The following HECW2 variants were observed in gnomAD, a reference collection of about 807,000 sequenced individuals.
HECW2 encodes the protein E3 ubiquitin-protein ligase HECW2.
HECW2 carries 61 observed loss-of-function variants against 175.2 expected under a neutral mutation model. The observed-to-expected ratio is 0.35, with a 90% CI of 0.28 to 0.43. HECW2 has a LOEUF of 0.43. Ranked by LOEUF, HECW2 falls within the 20% of genes least tolerant of loss-of-function variation. The pLI, the probability that HECW2 is intolerant of heterozygous loss-of-function variation, is 1.00. For synonymous variants in HECW2, 671 were observed against 731.0 expected, an observed-to-expected ratio of 0.92 and a Z score of 1.32; for missense variants, 1,524 against 2,000.5, an observed-to-expected ratio of 0.76 and a Z score of 4.54.
chr2:196,339,807 TTGAC>T (rs1692680260), intron 3 of HECW2, among the ~76,000 whole-genome samples: 2 of 152,260 alleles, frequency 1.3e-5, no homozygotes, highest in Admixed American at 6.5e-5. Flanking sequence ...TCTTGAATAC[TTGAC>T]TGTCTTATGA....
intron 1 of HECW2, among the ~76,000 whole-genome samples, chr2:196,551,395 CA>C (rs1224734921): frequency 6.6e-6 from 1 of 151,784 alleles, no homozygotes; most frequent in Non-Finnish European, 1.5e-5. Context: ...CTTAAAAGAC[CA>C]AAAAAAGTCA....
At chr2:196,501,293 T>C (rs1227948577) in intron 1 of HECW2, among the ~76,000 whole-genome samples, 1 of 152,236 alleles carries the variant, frequency 6.6e-6, no homozygotes, top group Non-Finnish European at 1.5e-5. Context: ...AAAAAGAATT[T>C]TATTTTTTGA....
rs1691735718 is a variant in HECW2 at position 196,317,297 on chromosome 2, C to T, written c.2411G>A (p.Arg804Lys). 6.2e-7 allele frequency: 1 copy of T among 1,613,260 alleles called. No homozygotes were observed. Among genetic ancestry groups the T allele is most frequent in the Non-Finnish European group, 8.5e-7 (1 of 1,179,714 alleles). The change falls in exon 10 of 29, where the codon AGG becomes AAG. Residue 804 changes from arginine (R) to lysine (K), a missense_variant. This residue lies in a region of HECW2 where 82 missense variants were observed against 124.4 expected (regional missense o/e 0.66). Transcript: ENST00000644978. The part of the protein sequence containing the change: ...SVRQDVSRYQ[R>K]VDEALPPNWE... ...ACTTGGTGGGAGAGCCTCGTCCACC[C>T]TCTGGTACCGGCTAACATCCTGGCG... is the stretch of plus-strand genomic sequence containing the variant.
intron 2 of HECW2, among the ~76,000 whole-genome samples, chr2:196,346,249 T>A (rs1692949746): frequency 6.6e-6 from 1 of 152,090 alleles, no homozygotes; most frequent in African/African-American, 2.4e-5. Context: ...ATTAAGCCAA[T>A]AAATTAATCC....
chr2:196,432,393 T>C (rs966358561), intron 2 of HECW2, among the ~76,000 whole-genome samples: 1 of 152,232 alleles, frequency 6.6e-6, no homozygotes, highest in Non-Finnish European at 1.5e-5. Flanking sequence ...TAGATTTTAT[T>C]ATTGGGTTGG....
At chr2:196,397,139 A>AAAAAAAAAACAAAAC (rs1694694421) in intron 2 of HECW2, among the ~76,000 whole-genome samples, 1 of 17,292 alleles carries the variant, frequency 5.8e-5, no homozygotes, top group African/African-American at 1.3e-4. Flanking sequence ...CAAAACAAAA[A>AAAAAAAAAACAAAAC]AAAAAAAAAC....
chr2:196,575,223 A>T (rs1299532535), intron 1 of HECW2, among the ~76,000 whole-genome samples: 1 of 152,084 alleles, frequency 6.6e-6, no homozygotes, highest in African/African-American at 2.4e-5. Flanking sequence ...CCACAATAAG[A>T]TATCACCTCA....
At chr2:196,360,836 G>T (rs6434842) in intron 2 of HECW2, among the ~76,000 whole-genome samples, 10,648 of 152,210 alleles carry the variant, frequency 0.07, 534 homozygotes, top group African/African-American at 0.14. Flanking sequence ...TTCCAGAGAT[G>T]ACTGCTCATG....
At chr2:196,311,887 T>C (rs1691509750) in intron 10 of HECW2, among the ~76,000 whole-genome samples, 1 of 152,082 alleles carries the variant, frequency 6.6e-6, no homozygotes, top group East Asian at 1.9e-4. Context: ...GACTTAAATA[T>C]AAATAGGCGC....
At chr2:196,449,547 C>T (rs1696285346) in intron 1 of HECW2, among the ~76,000 whole-genome samples, 1 of 152,096 alleles carries the variant, frequency 6.6e-6, no homozygotes, top group African/African-American at 2.4e-5. Flanking sequence ...TATTTTAACT[C>T]ATTATATTTA....
At chr2:196,351,193 A>T (rs996020071) in intron 2 of HECW2, among the ~76,000 whole-genome samples, 2 of 151,990 alleles carry the variant, frequency 1.3e-5, no homozygotes, top group Non-Finnish European at 2.9e-5. Flanking sequence ...TTTTTTTTAA[A>T]AAAAATGACA....
At chr2:196,278,127 TTAAA>T (rs2105983960) in intron 15 of HECW2, among the ~76,000 whole-genome samples, 1 of 98,278 alleles carries the variant, frequency 1.0e-5, no homozygotes, top group Admixed American at 1.2e-4. Flanking sequence ...TAAAGTATAA[TTAAA>T]AAATATATAT....
chr2:196,363,045 C>T (rs575700765), intron 2 of HECW2, among the ~76,000 whole-genome samples: 33 of 152,236 alleles, frequency 2.2e-4, no homozygotes, highest in African/African-American at 5.8e-4. Context: ...CCTGAAGCTT[C>T]GAAGGGCCAC....
intron 14 of HECW2, among the ~76,000 whole-genome samples, chr2:196,287,283 T>C (rs1044904898): frequency 1.3e-5 from 2 of 152,222 alleles, no homozygotes; most frequent in African/African-American, 4.8e-5. Flanking sequence ...ACACATGATT[T>C]CTGTAAGGAA....
chr2:196,510,408 A>G (rs1312308134), intron 1 of HECW2, among the ~76,000 whole-genome samples: 3 of 152,220 alleles, frequency 2.0e-5, no homozygotes, highest in Non-Finnish European at 4.4e-5. Context: ...TCATAGTCTT[A>G]CCAGCATCCT....
chr2:196,459,719 G>A (rs1380295527), intron 1 of HECW2, among the ~76,000 whole-genome samples: 3 of 152,136 alleles, frequency 2.0e-5, no homozygotes, highest in Admixed American at 2.0e-4. Flanking sequence ...TAACCAACCA[G>A]CATTCCTTCT....
At chr2:196,387,346 A>G (rs1057061326) in intron 2 of HECW2, among the ~76,000 whole-genome samples, 4 of 152,152 alleles carry the variant, frequency 2.6e-5, no homozygotes, top group African/African-American at 9.7e-5. Flanking sequence ...TCATGAGGAT[A>G]AAGCCCTCAT....
At chr2:196,334,571 G>A in intron 3 of HECW2, 53 bp from the exon 4 acceptor site, 1 of 1,405,362 alleles carries the variant, frequency 7.1e-7, no homozygotes, top group South Asian at 1.2e-5. Context: ...AAGTCATGGA[G>A]GAATCAGCTG....
Position 196,433,133 on chromosome 2 carries a change from T to C in HECW2, c.291A>G (p.Ile97Met), listed in dbSNP as rs889258159. The C allele has an allele frequency of 3.7e-6, 6 of 1,606,422 alleles. No individual in the cohort carries two copies. In the African/African-American group the frequency reaches 4.0e-5, roughly 11 times the overall value. ...GCAAGTCCATTCCACTTGACTCACC[T>C]ATATGATAAAGTCCAATCCAATCAC... is the stretch of plus-strand genomic sequence containing the variant. Reference protein sequence around the residue: ...DPSDWIGLYHIDENSPANFWD... With the variant: ...DPSDWIGLYHMDENSPANFWD... The change falls in exon 2 of 29, where the codon ATA becomes ATG. Residue 97 changes from isoleucine to methionine, a missense_variant and splice_region_variant. Physicochemically the swap from Ile to Met is conservative, Grantham distance 10 (BLOSUM62 1). Coordinates refer to ENST00000644978, the MANE Select transcript of HECW2 (RefSeq NM_001348768.2).
Sources: gnomAD v4.1 joint callset for allele counts (sites outside exome capture counted in the v4.1 genomes callset) on GRCh38, gnomAD v4.1.1 for gene constraint, gnomAD v4.1.1 regional missense constraint, MANE v1.5 for transcripts, NCBI Gene and HGNC (gene_info 2026-07-23, HGNC 2026-07-21) for gene names.